Variants in TRIO observed in about 807,000 individuals in gnomAD.
TRIO encodes triple functional domain protein.
A neutral mutation model predicts 351.9 loss-of-function variants in TRIO; 58 were observed. The ratio of observed to expected loss-of-function variants is 0.16; its 90% CI spans 0.13 to 0.21. The LOEUF (loss-of-function observed/expected upper bound fraction) is 0.21, where lower values mean the gene tolerates loss of function less well. Ranked by LOEUF, TRIO falls within the 10% of genes least tolerant of loss-of-function variation. TRIO has a pLI of 1.00. For missense variants in TRIO, 3,201 were observed against 4,027.8 expected (o/e 0.79, Z 5.56); for synonymous variants, 1,758 against 1,595.7 (o/e 1.10, Z -2.42).
chr5:14,320,507 C>T (rs186279991), intron 9 of TRIO, among the ~76,000 whole-genome samples: 1 of 152,154 alleles, frequency 6.6e-6, no homozygotes, highest in Non-Finnish European at 1.5e-5. Flanking sequence ...CCGTTTCCCC[C>T]ACAGCCCTTC....
chr5:14,180,297 C>T (rs1789694390), intron 1 of TRIO, among the ~76,000 whole-genome samples: 2 of 151,954 alleles, frequency 1.3e-5, no homozygotes, highest in Admixed American at 1.3e-4. Context: ...TTCCTATTCT[C>T]ATTGGATTAA....
chr5:14,167,215 CTGTGGAA>C (rs1788819503), intron 1 of TRIO, among the ~76,000 whole-genome samples: 1 of 151,480 alleles, frequency 6.6e-6, no homozygotes, highest in South Asian at 2.1e-4. Context: ...AATGATTAGG[CTGTGGAA>C]CAGTAACTCT....
intron 1 of TRIO, among the ~76,000 whole-genome samples, chr5:14,240,466 T>C (rs927435953): frequency 2.0e-5 from 3 of 152,224 alleles, no homozygotes; most frequent in African/African-American, 2.4e-5. Context: ...TCCCGTTCTT[T>C]TACATCACAG....
chr5:14,458,795 A>T (rs1201809073), intron 34 of TRIO, among the ~76,000 whole-genome samples: 1 of 152,198 alleles, frequency 6.6e-6, no homozygotes, highest in Admixed American at 6.5e-5. Context: ...TGAGGCTAGG[A>T]ACTGTGTCTA....
At chr5:14,505,519 C>T (rs772479401) in intron 55 of TRIO, among the ~76,000 whole-genome samples, 4 of 152,226 alleles carry the variant, frequency 2.6e-5, no homozygotes, top group South Asian at 2.1e-4. Flanking sequence ...ATTAGCAGGG[C>T]GCCCCCATGG....
At chr5:14,264,507 A>G (rs1795538106) in intron 1 of TRIO, among the ~76,000 whole-genome samples, 2 of 151,874 alleles carry the variant, frequency 1.3e-5, no homozygotes, top group Admixed American at 1.3e-4. Flanking sequence ...ATAAGTGTGG[A>G]TTTTGATATA....
intron 1 of TRIO, among the ~76,000 whole-genome samples, chr5:14,209,443 A>G (rs889894697): frequency 2.6e-5 from 4 of 152,196 alleles, no homozygotes; most frequent in Non-Finnish European, 4.4e-5. Flanking sequence ...TACTCCCTCA[A>G]TTACTTTGAG....
chr5:14,198,851 C>G (rs1222027632), intron 1 of TRIO, among the ~76,000 whole-genome samples: 1 of 152,194 alleles, frequency 6.6e-6, no homozygotes, highest in East Asian at 1.9e-4. Context: ...AAAAATTATT[C>G]TGTCAATCTG....
chr5:14,382,161 G>A (rs1746163308), intron 21 of TRIO, among the ~76,000 whole-genome samples: 1 of 152,186 alleles, frequency 6.6e-6, no homozygotes, highest in Non-Finnish European at 1.5e-5. Context: ...AATGATAAGT[G>A]GGATAATATT....
chr5:14,403,417 TGTG>T (rs374455478), intron 31 of TRIO, among the ~76,000 whole-genome samples: 7 of 34,010 alleles, frequency 2.1e-4, no homozygotes, highest in East Asian at 6.6e-4. Flanking sequence ...GGGTGTAGGT[TGTG>T]GTGAGGGTGT....
In TRIO at chr5:14,444,728, A is replaced by G. The variant is rs367640375; in HGVS notation, c.5204-16291A>G. ...TCCCTTGCTTCCATGTTAAACACGA[A>G]AAAAGAGTGTTACACATTGAATTTG... On this transcript the variant is annotated intron_variant, in intron 34 of 56. Coordinates refer to ENST00000344204, the MANE Select transcript of TRIO (RefSeq NM_007118.4). 1.5e-4 allele frequency among the ~76,000 whole-genome samples: 23 copies of G among 152,370 alleles called. No homozygotes were observed. The East Asian group carries it at 3.1e-3, about 20-fold the overall frequency.
At chr5:14,176,137 C>T (rs934188493) in intron 1 of TRIO, among the ~76,000 whole-genome samples, 117 of 151,978 alleles carry the variant, frequency 7.7e-4, no homozygotes, top group African/African-American at 2.5e-3. Context: ...TGAGACCCAC[C>T]CTGTCTCTGT....
At chr5:14,501,565 G>T (rs1757302994) in intron 53 of TRIO, among the ~76,000 whole-genome samples, 1 of 152,246 alleles carries the variant, frequency 6.6e-6, no homozygotes, top group Non-Finnish European at 1.5e-5. Flanking sequence ...GTGAGGAGAT[G>T]ATTTCCAGCC....
chr5:14,396,068 G>C (rs1420969937), intron 28 of TRIO, among the ~76,000 whole-genome samples: 2 of 121,582 alleles, frequency 1.6e-5, no homozygotes, highest in Admixed American at 7.8e-5. Flanking sequence ...AAAAAAAAAA[G>C]GATCTTGGAG....
intron 34 of TRIO, among the ~76,000 whole-genome samples, chr5:14,451,075 C>T (rs1752819679): frequency 1.3e-5 from 2 of 152,170 alleles, no homozygotes; most frequent in South Asian, 4.1e-4. Flanking sequence ...CTTGTATATT[C>T]CGAACCACCA....
At chr5:14,449,846 A>T (rs538586989) in intron 34 of TRIO, among the ~76,000 whole-genome samples, 3 of 152,352 alleles carry the variant, frequency 2.0e-5, no homozygotes, top group African/African-American at 7.2e-5. Context: ...CAAGCAAAGG[A>T]TCTTACCATC....
chr5:14,197,081 G>A (rs1790822248), intron 1 of TRIO, among the ~76,000 whole-genome samples: 1 of 152,170 alleles, frequency 6.6e-6, no homozygotes, highest in South Asian at 2.1e-4. Context: ...TGATAAATTT[G>A]TGCTGTTTAA....
intron 55 of TRIO, among the ~76,000 whole-genome samples, chr5:14,504,896 C>T (rs1757555423): frequency 6.6e-6 from 1 of 151,688 alleles, no homozygotes; most frequent in Non-Finnish European, 1.5e-5. Flanking sequence ...CCCATGAGGC[C>T]AGGCTGTCTC....
Position 14,509,794 on chromosome 5 carries a change from C to CG in TRIO, c.*1373dup. Reference sequence around the variant, plus strand: ...AGGAGGCTGGGTTTCTGGGCACCCTCGAAGTTTTCTGGATGTCTTTTTATC... The same window carrying CG: ...AGGAGGCTGGGTTTCTGGGCACCCTCGGAAGTTTTCTGGATGTCTTTTTATC... On this transcript the variant is annotated 3_prime_UTR_variant, in exon 57 of 57. Transcript: ENST00000344204. 1 of 191,366 alleles carries CG rather than the reference C, an allele frequency of 5.2e-6. No homozygotes were observed. Among genetic ancestry groups the CG allele is most frequent in the Non-Finnish European group, 1.1e-5 (1 of 92,684 alleles). 11.9% of individuals were successfully genotyped at this position (191,366 alleles called of 1,614,324 possible).
Sources: allele counts gnomAD v4.1 joint callset (sites outside exome capture counted in the v4.1 genomes callset), GRCh38; gene constraint gnomAD v4.1.1; transcripts MANE v1.5; gene names NCBI Gene and HGNC (gene_info 2026-07-23, HGNC 2026-07-21).